The following ZNF346 variants were observed in gnomAD, a reference collection of about 807,000 sequenced individuals.
The protein encoded by ZNF346 is zinc finger protein 346.
Under a neutral mutation model 33.7 loss-of-function variants are expected in ZNF346, and 23 were observed. The ratio of observed to expected loss-of-function variants is 0.68; its 90% CI spans 0.49 to 0.97. The LOEUF is 0.97. ZNF346 is among the 50% of genes least tolerant of loss of function. The pLI, the probability that ZNF346 is intolerant of heterozygous loss-of-function variation, is 0.00. For missense variants in ZNF346, 340 were observed against 371.1 expected (o/e 0.92, Z 0.69); for synonymous variants, 134 against 142.4 (o/e 0.94, Z 0.42).
intron 1 of ZNF346, among the ~76,000 whole-genome samples, chr5:177,038,961 G>A (rs534846460): frequency 5.6e-4 from 83 of 148,816 alleles, no homozygotes; most frequent in African/African-American, 1.8e-3. Flanking sequence ...GCACAATCTC[G>A]GCTCACTGCA....
At chr5:177,080,109 A>G (rs1783919421) in exon 9 of ZNF346, 1 of 152,318 alleles carries the variant, frequency 6.6e-6, no homozygotes, top group Admixed American at 6.5e-5. Context: ...CCAGGCTGTC[A>G]TCAGCTCTAA....
downstream of ZNF346, among the ~76,000 whole-genome samples, chr5:177,069,294 T>C (rs931031251): frequency 6.6e-6 from 1 of 151,532 alleles, no homozygotes; most frequent in Non-Finnish European, 1.5e-5. Context: ...CTGTCTCTAC[T>C]AAAAATACAA....
chr5:177,076,074 T>C (rs2149721055), intron 8 of ZNF346, among the ~76,000 whole-genome samples: 1 of 152,260 alleles, frequency 6.6e-6, no homozygotes, highest in East Asian at 1.9e-4. Context: ...CTCAGCCTCC[T>C]GAAGTGCTGG....
At chr5:177,052,535 G>T (rs1781099604) in intron 5 of ZNF346, 2 of 151,878 alleles carry the variant, frequency 1.3e-5, no homozygotes, top group African/African-American at 4.8e-5. Context: ...CTGTCTGCAA[G>T]CCAGATTTGG....
chr5:177,039,562 G>A (rs1561985576), intron 1 of ZNF346, among the ~76,000 whole-genome samples: 2 of 151,820 alleles, frequency 1.3e-5, no homozygotes, highest in African/African-American at 4.8e-5. Context: ...CAATCCTTCT[G>A]TCTCTGTCTC....
intron 1 of ZNF346, among the ~76,000 whole-genome samples, chr5:177,038,055 T>C (rs1778761110): frequency 6.6e-6 from 1 of 152,050 alleles, no homozygotes; most frequent in Non-Finnish European, 1.5e-5. Context: ...CCTGTAAGCC[T>C]TGTGGCTGAC....
chr5:177,027,494 G>A (rs574195602), intron 1 of ZNF346, among the ~76,000 whole-genome samples: 4 of 150,170 alleles, frequency 2.7e-5, no homozygotes, highest in South Asian at 2.1e-4. Flanking sequence ...GCTGAGGCAC[G>A]AGAATCGCTT....
chr5:177,077,780 G>A lies in ZNF346; in HGVS notation c.*3-1602G>A, dbSNP rs1316035538. ...AGGACCACGACATCAAGAAAAGTTT[G>A]AGGGGTCGTTACCAGAGAGAGGAAA... On this transcript the variant is annotated intron_variant, in intron 8 of 8. Coordinates refer to the ZNF346 transcript ENST00000503039. This position sits in a 1 kb window ranked among gnomAD's most constrained non-coding sequence, Gnocchi z 5.0. 6.6e-6 allele frequency among the ~76,000 whole-genome samples: 1 copy of A among 152,194 alleles called. No individual in the cohort carries two copies. The highest frequency in any genetic ancestry group is 2.4e-5 in the African/African-American group (1 of 41,442).
intron 5 of ZNF346, among the ~76,000 whole-genome samples, chr5:177,058,226 G>A (rs527242467): frequency 4.3e-4 from 65 of 151,704 alleles, no homozygotes; most frequent in African/African-American, 1.5e-3. Flanking sequence ...TGTAATTCCA[G>A]CACTTTGGGA....
chr5:177,033,288 G>A (rs781268505), intron 1 of ZNF346, among the ~76,000 whole-genome samples: 3 of 152,076 alleles, frequency 2.0e-5, no homozygotes, highest in Admixed American at 6.6e-5. Flanking sequence ...TTTGCTGCCT[G>A]TGTTGGTCTC....
At chr5:177,041,891 A>C in intron 3 of ZNF346, 21 bp downstream of exon 3, 1 of 1,545,008 alleles carries the variant, frequency 6.5e-7, no homozygotes, top group Non-Finnish European at 8.9e-7. Flanking sequence ...TGCCATATTG[A>C]GCCCACTTGC....
At chr5:177,026,000 T>A (rs1041293818) in intron 1 of ZNF346, among the ~76,000 whole-genome samples, 33 of 150,160 alleles carry the variant, frequency 2.2e-4, no homozygotes, top group African/African-American at 3.0e-4. Context: ...TATTATTATT[T>A]TTTTTTTTGA....
intron 8 of ZNF346, among the ~76,000 whole-genome samples, chr5:177,076,244 C>A (rs1471704729): frequency 6.6e-6 from 1 of 152,236 alleles, no homozygotes; most frequent in East Asian, 1.9e-4. Flanking sequence ...AACCAGCTAA[C>A]GTGTTGTGGG....
chr5:177,067,920 C>T lies in ZNF346; in HGVS notation c.*3321C>T, dbSNP rs1299187646. 3.9e-5 allele frequency among the ~76,000 whole-genome samples: 6 copies of T among 151,916 alleles called. No individual in the cohort carries two copies. Among genetic ancestry groups the T allele is most frequent in the African/African-American group, 9.7e-5 (4 of 41,322 alleles). On this transcript the variant is annotated 3_prime_UTR_variant, in exon 7 of 7. Transcript: ENST00000358149. ...GGGAGTTTAAGACCATCCTGGCCAACGTGGTGAAATCCCATCTCTACAAAA... is the reference window on the plus strand; with the variant it reads ...GGGAGTTTAAGACCATCCTGGCCAATGTGGTGAAATCCCATCTCTACAAAA...
intron 5 of ZNF346, among the ~76,000 whole-genome samples, chr5:177,053,788 A>T (rs1161872860): frequency 6.6e-6 from 1 of 152,194 alleles, no homozygotes; most frequent in Non-Finnish European, 1.5e-5. Context: ...GTGACATACT[A>T]ACATGTTTTT....
chr5:177,022,897 G>A lies in ZNF346; in HGVS notation c.159G>A (p.Pro53=). 2.0e-6 allele frequency: 3 copies of A among 1,495,164 alleles called. No individual in the cohort carries two copies. The East Asian group carries it at 7.5e-5, about 38-fold the overall frequency. The allele number at this position is 1,495,164 out of a possible 1,614,324, so 92.6% of individuals were successfully genotyped here. A position where few individuals can be genotyped will look rare whatever the true frequency, so the allele number is the denominator to read the frequency against. The change falls in exon 1 of 7, where the codon CCG becomes CCA. Residue 53 remains proline, a synonymous_variant. Coordinates refer to ENST00000358149, the MANE Select transcript of ZNF346 (RefSeq NM_012279.4). ...RLWEAVSGAQ[P]VGREEVEHMI... ...GGGAAGCCGTGTCCGGTGCCCAGCCGGTGGGTAGAGAGGAAGGTGAGTCGG... is the reference window on the plus strand; with the variant it reads ...GGGAAGCCGTGTCCGGTGCCCAGCCAGTGGGTAGAGAGGAAGGTGAGTCGG...
chr5:177,076,945 G>T (rs1783779511), intron 8 of ZNF346, among the ~76,000 whole-genome samples: 1 of 152,130 alleles, frequency 6.6e-6, no homozygotes. Flanking sequence ...GGAGGCTGAG[G>T]CTGGAGAATC....
chr5:177,045,856 G>T (rs577911277), intron 4 of ZNF346, among the ~76,000 whole-genome samples: 1 of 152,134 alleles, frequency 6.6e-6, no homozygotes, highest in East Asian at 1.9e-4. Context: ...AGCAGAATGT[G>T]GACTTTGAAG....
chr5:177,062,267 G>A (rs540680038), intron 6 of ZNF346, 116 bp downstream of exon 6: 67 of 782,782 alleles, frequency 8.6e-5, no homozygotes, highest in African/African-American at 4.2e-4. Flanking sequence ...TTTTTTCAGT[G>A]AACAGAAGAT....
Sources: gnomAD v4.1 joint callset for allele counts (sites outside exome capture counted in the v4.1 genomes callset) on GRCh38, gnomAD v4.1.1 for gene constraint, Gnocchi (gnomAD v3.1) non-coding constraint, MANE v1.5 for transcripts, NCBI Gene and HGNC (gene_info 2026-07-23, HGNC 2026-07-21) for gene names.